Variants in TMEM131L observed in about 807,000 individuals in gnomAD.
The protein encoded by TMEM131L is transmembrane 131 like.
In TMEM131L, 54 loss-of-function variants were observed where a neutral mutation model predicts 192.2. That is an observed-to-expected ratio of 0.28 (90% CI 0.23 to 0.35). TMEM131L has a LOEUF of 0.35. TMEM131L is among the 10% of genes least tolerant of loss of function. TMEM131L has a pLI of 1.00. For synonymous variants in TMEM131L, 701 were observed against 704.9 expected (o/e 0.99, Z 0.09); for missense variants, 1,888 against 1,972.9 (o/e 0.96, Z 0.82).
chr4:153,504,266 CTTTTTTTTTTTTTT>C (rs531620464), intron 3 of TMEM131L, among the ~76,000 whole-genome samples: 802 of 42,630 alleles, frequency 0.019, 24 homozygotes, highest in African/African-American at 0.068. Context: ...CGCGGTCGGC[CTTTTTTTTTTTTTT>C]TTTTTTTTTT....
intron 2 of TMEM131L, among the ~76,000 whole-genome samples, chr4:153,468,134 G>A (rs891412183): frequency 6.6e-6 from 1 of 152,112 alleles, no homozygotes; most frequent in African/African-American, 2.4e-5. Context: ...TGTGTCTTGC[G>A]GCTGTTTAGA....
intron 3 of TMEM131L, among the ~76,000 whole-genome samples, chr4:153,480,564 T>C (rs1400346371): frequency 6.6e-6 from 1 of 151,696 alleles, no homozygotes; most frequent in Non-Finnish European, 1.5e-5. Context: ...CTTCCCTGTT[T>C]ATAGGATCTC....
intron 9 of TMEM131L, 29 bp downstream of exon 9, chr4:153,581,589 A>G (rs79899824): frequency 1.4e-6 from 2 of 1,458,118 alleles, no homozygotes; most frequent in Admixed American, 2.2e-5. Context: ...AAATTTTATT[A>G]TATTTTCATC....
intron 3 of TMEM131L, among the ~76,000 whole-genome samples, chr4:153,528,873 A>G (rs1009529923): frequency 6.6e-6 from 1 of 152,194 alleles, no homozygotes; most frequent in Non-Finnish European, 1.5e-5. Flanking sequence ...ATGGTTTCTT[A>G]TCTGACCATG....
intron 3 of TMEM131L, among the ~76,000 whole-genome samples, chr4:153,513,254 ATATATAC>A (rs1734484212): frequency 6.6e-6 from 1 of 152,226 alleles, no homozygotes; most frequent in Non-Finnish European, 1.5e-5. Context: ...ACATTTATTA[ATATATAC>A]TTACCAGAGA....
chr4:153,477,436 C>G (rs1301246462), intron 3 of TMEM131L, among the ~76,000 whole-genome samples: 1 of 152,128 alleles, frequency 6.6e-6, no homozygotes, highest in Non-Finnish European at 1.5e-5. Context: ...TCTCTTCATT[C>G]TTATTATTCA....
At chr4:153,610,141 T>A (rs1427716467) in intron 25 of TMEM131L, among the ~76,000 whole-genome samples, 2 of 152,210 alleles carry the variant, frequency 1.3e-5, no homozygotes, top group Non-Finnish European at 1.5e-5. Context: ...GAAAGGGATC[T>A]GAAAGTTGTG....
chr4:153,620,237 AC>A (rs564062703), intron 26 of TMEM131L, among the ~76,000 whole-genome samples: 44 of 152,326 alleles, frequency 2.9e-4, no homozygotes, highest in African/African-American at 9.4e-4. Context: ...GCTTTTCAGA[AC>A]CACATTTTTG....
At chr4:153,518,764 GCT>G (rs1387081978) in intron 3 of TMEM131L, among the ~76,000 whole-genome samples, 2 of 152,146 alleles carry the variant, frequency 1.3e-5, no homozygotes, top group Non-Finnish European at 2.9e-5. Context: ...TGGTGCTCAG[GCT>G]CTGTTTTCTC....
At chr4:153,620,502 T>C (rs1338095472) in intron 26 of TMEM131L, among the ~76,000 whole-genome samples, 1 of 152,256 alleles carries the variant, frequency 6.6e-6, no homozygotes, top group Non-Finnish European at 1.5e-5. Flanking sequence ...CATAAATTGC[T>C]AGCAGATGTT....
chr4:153,512,743 A>G (rs1483315332), intron 3 of TMEM131L, among the ~76,000 whole-genome samples: 1 of 152,124 alleles, frequency 6.6e-6, no homozygotes, highest in Non-Finnish European at 1.5e-5. Context: ...TCTCCTGAGT[A>G]GCTGGGACTA....
intron 3 of TMEM131L, among the ~76,000 whole-genome samples, chr4:153,489,633 A>G (rs899054607): frequency 1.3e-5 from 2 of 152,104 alleles, no homozygotes; most frequent in African/African-American, 4.8e-5. Flanking sequence ...ATGTACCACC[A>G]TGCCCGGCTA....
intron 3 of TMEM131L, among the ~76,000 whole-genome samples, chr4:153,536,190 T>TG (rs1199969303): frequency 1.1e-4 from 17 of 151,990 alleles, no homozygotes; most frequent in African/African-American, 1.5e-4. Context: ...ACCTGGCCAC[T>TG]GGGGGGGTTA....
At chr4:153,595,242 T>C (rs973838149) in intron 19 of TMEM131L, among the ~76,000 whole-genome samples, 1 of 152,204 alleles carries the variant, frequency 6.6e-6, no homozygotes, top group African/African-American at 2.4e-5. Flanking sequence ...GATTTGCTTT[T>C]AGAAATATAG....
At chr4:153,472,645 G>A (rs542554103) in intron 2 of TMEM131L, among the ~76,000 whole-genome samples, 2 of 152,284 alleles carry the variant, frequency 1.3e-5, no homozygotes, top group East Asian at 3.9e-4. Flanking sequence ...CTGTTCGAAG[G>A]GCATACATGT....
intron 25 of TMEM131L, among the ~76,000 whole-genome samples, chr4:153,605,051 T>G (rs1449535639): frequency 6.6e-6 from 1 of 152,210 alleles, no homozygotes; most frequent in Non-Finnish European, 1.5e-5. Context: ...TAAAAATTAA[T>G]CAGCCCATGA....
chr4:153,467,135 A>G lies in TMEM131L; in HGVS notation c.125-76A>G, dbSNP rs922696254. The G allele has an allele frequency of 1.1e-5, 15 of 1,393,468 alleles. No homozygotes were observed. In the African/African-American group the frequency reaches 1.9e-4, roughly 17 times the overall value. The allele number at this position is 1,393,468 out of a possible 1,614,324, so 86.3% of individuals were successfully genotyped here. A position where few individuals can be genotyped will look rare whatever the true frequency, so the allele number is the denominator to read the frequency against. On this transcript the variant is annotated intron_variant, in intron 1 of 34. Coordinates refer to ENST00000409959, the MANE Select transcript of TMEM131L (RefSeq NM_001131007.2). ...TGTTTTGGTGAGGCGGGGGGCACGG[A>G]GGGACGGTAGGGGAAACAGGAAGCG...
rs1371096138 is a variant in TMEM131L, at chr4:153,466,429, G to A, written c.32G>A (p.Cys11Tyr). Residue 11 changes from cysteine to tyrosine, a missense_variant, in exon 1 of 35, where the codon TGC (cysteine) becomes TAC (tyrosine). Transcript: ENST00000409959. MAGLRRPQPGCYCRTAAAVNL... is the reference protein window; with the variant it reads MAGLRRPQPGYYCRTAAAVNL... ...GGGCTCCGACGCCCGCAGCCCGGCT[G>A]CTACTGCCGCACCGCGGCGGCCGTG... 1.4e-6 allele frequency: 2 copies of A among 1,395,382 alleles called. No homozygotes were observed. Among genetic ancestry groups the A allele is most frequent in the South Asian group, 1.5e-5 (1 of 64,880 alleles). 86.4% of individuals were successfully genotyped at this position (1,395,382 alleles called of 1,614,324 possible).
At chr4:153,489,278 T>C (rs1732593575) in intron 3 of TMEM131L, among the ~76,000 whole-genome samples, 1 of 152,154 alleles carries the variant, frequency 6.6e-6, no homozygotes, top group South Asian at 2.1e-4. Flanking sequence ...GCTTCCTTCC[T>C]GAGAGCTGCA....
Sources: allele counts gnomAD v4.1 joint callset (sites outside exome capture counted in the v4.1 genomes callset), GRCh38; gene constraint gnomAD v4.1.1; transcripts MANE v1.5; gene names NCBI Gene and HGNC (gene_info 2026-07-23, HGNC 2026-07-21).